MED12L: variants seen among roughly 807,000 people sequenced by gnomAD.
MED12L encodes the protein mediator of RNA polymerase II transcription subunit 12-like protein.
In MED12L, 60 loss-of-function variants were observed where a neutral mutation model predicts 281.3. The observed-to-expected ratio is 0.21, with a 90% CI of 0.17 to 0.26. The LOEUF (loss-of-function observed/expected upper bound fraction) is 0.26. MED12L is among the 10% of genes least tolerant of loss of function. The pLI, the probability that MED12L is intolerant of heterozygous loss-of-function variation, is 1.00. For missense variants in MED12L, 2,146 were observed against 2,680.9 expected (o/e 0.80, Z 4.41); for synonymous variants, 974 against 987.2 (o/e 0.99, Z 0.25).
chr3:151,203,698 A>G (rs772481270), intron 16 of MED12L, among the ~76,000 whole-genome samples: 1 of 152,152 alleles, frequency 6.6e-6, no homozygotes, highest in Non-Finnish European at 1.5e-5. Flanking sequence ...TATGTTCATT[A>G]TAGAAAAATC....
chr3:151,356,134 T>C (rs1577421395), intron 19 of MED12L, 95 bp downstream of exon 19: 1 of 1,309,788 alleles, frequency 7.6e-7, no homozygotes, highest in African/African-American at 1.5e-5. Flanking sequence ...GCACAGTGGC[T>C]TGTGCTTGTA....
At chr3:151,418,519 G>C (rs1438784968) in intron 43 of MED12L, among the ~76,000 whole-genome samples, 2 of 152,258 alleles carry the variant, frequency 1.3e-5, no homozygotes, top group East Asian at 1.9e-4. Context: ...TTTGTAGAAT[G>C]CTACTCAATT....
intron 11 of MED12L, among the ~76,000 whole-genome samples, chr3:151,169,122 GTTTT>G (rs1179594098): frequency 1.2e-5 from 1 of 82,572 alleles, no homozygotes; most frequent in Non-Finnish European, 2.6e-5. Context: ...TTTTTTTTTT[GTTTT>G]TTTTTTTTTG....
At chr3:151,225,153 A>G (rs572584213) in intron 16 of MED12L, among the ~76,000 whole-genome samples, 4 of 152,192 alleles carry the variant, frequency 2.6e-5, no homozygotes, top group African/African-American at 9.6e-5. Flanking sequence ...TGGGTAAACA[A>G]TGTCCTATGT....
chr3:151,291,509 G>A (rs1325573560), intron 16 of MED12L, among the ~76,000 whole-genome samples: 3 of 151,970 alleles, frequency 2.0e-5, no homozygotes. Flanking sequence ...CTCTGAATAT[G>A]TTTCTTTTCT....
chr3:151,213,756 T>A (rs200238332), intron 16 of MED12L: 7 of 1,614,190 alleles, frequency 4.3e-6, no homozygotes, highest in Non-Finnish European at 5.9e-6. Context: ...AGATGTAGTT[T>A]GATGCTTTGT....
chr3:151,136,001 T>G (rs553373716), intron 5 of MED12L, among the ~76,000 whole-genome samples: 1 of 152,192 alleles, frequency 6.6e-6, no homozygotes, highest in South Asian at 2.1e-4. Flanking sequence ...CTTAAAATGC[T>G]TCGTGGTTAA....
intron 29 of MED12L, 38 bp downstream of exon 29, chr3:151,376,912 T>G (rs769500407): frequency 6.2e-7 from 1 of 1,612,356 alleles, no homozygotes; most frequent in Non-Finnish European, 8.5e-7. Context: ...GTATGAAATT[T>G]TATAAAAAGC....
At chr3:151,426,448 G>C (rs1024959579) in intron 43 of MED12L, among the ~76,000 whole-genome samples, 1 of 152,192 alleles carries the variant, frequency 6.6e-6, no homozygotes, top group African/African-American at 2.4e-5. Flanking sequence ...CAGAGAAATT[G>C]CATCTGGGGC....
chr3:151,136,038 C>G (rs1055395627), intron 5 of MED12L, among the ~76,000 whole-genome samples: 2 of 152,036 alleles, frequency 1.3e-5, no homozygotes, highest in Non-Finnish European at 2.9e-5. Context: ...CTCTGTTTAC[C>G]CCTAGTCATT....
intron 5 of MED12L, among the ~76,000 whole-genome samples, chr3:151,146,517 GT>G (rs1310441884): frequency 6.6e-6 from 1 of 152,150 alleles, no homozygotes; most frequent in Non-Finnish European, 1.5e-5. Flanking sequence ...GGCATTTAGT[GT>G]TTGCTGCTAC....
chr3:151,128,778 T>G (rs1292214232), intron 5 of MED12L, among the ~76,000 whole-genome samples: 1 of 152,244 alleles, frequency 6.6e-6, no homozygotes, highest in Non-Finnish European at 1.5e-5. Flanking sequence ...AATGTCCATC[T>G]CAATATCTGA....
At chr3:151,323,141 A>G (rs1386147301) in intron 16 of MED12L, among the ~76,000 whole-genome samples, 1 of 152,220 alleles carries the variant, frequency 6.6e-6, no homozygotes, top group Non-Finnish European at 1.5e-5. Flanking sequence ...CACATGTTTT[A>G]CATAGAGTCC....
chr3:151,413,915 CA>C (rs1427454186), intron 42 of MED12L, among the ~76,000 whole-genome samples: 1 of 151,124 alleles, frequency 6.6e-6, no homozygotes, highest in Non-Finnish European at 1.5e-5. Context: ...CTCCCTCTGT[CA>C]CCCAGGCTGG....
At chr3:151,345,352 T>G (rs1752396541) in intron 16 of MED12L, among the ~76,000 whole-genome samples, 3 of 152,158 alleles carry the variant, frequency 2.0e-5, no homozygotes, top group Admixed American at 2.0e-4. Flanking sequence ...ATTATTAATA[T>G]TACTTACAAC....
chr3:151,134,989 T>A lies in MED12L; in HGVS notation c.556+7005T>A, dbSNP rs574280963. Among the ~76,000 whole-genome samples, 4 of 152,276 alleles carry A rather than the reference T, an allele frequency of 2.6e-5. No individual in the cohort carries two copies. The East Asian group carries it at 7.7e-4, about 29-fold the overall frequency. ...GTTATGACTCTTTCCCTCAGTTTCT[T>A]GTCTGTAAAAAAATAAGGATAATTG... On this transcript the variant is annotated intron_variant, in intron 5 of 44. Coordinates refer to ENST00000687756, the MANE Select transcript of MED12L (RefSeq NM_001393769.1).
intron 11 of MED12L, among the ~76,000 whole-genome samples, chr3:151,170,420 C>G (rs1173483585): frequency 1.3e-5 from 2 of 151,582 alleles, no homozygotes; most frequent in East Asian, 3.9e-4. Context: ...GATTAATAGG[C>G]GCCTGCCACC....
chr3:151,336,698 A>G, intron 16 of MED12L: 1 of 349,004 alleles, frequency 2.9e-6, no homozygotes, highest in Non-Finnish European at 5.6e-6. Flanking sequence ...ACTTATTGAA[A>G]TGAGAAGTCA....
chr3:151,116,544 C>G lies in MED12L; in HGVS notation c.204+102C>G. ...AATTAGTGTTGTTTAAGCCACAGTC[C>G]ATATTCAGATTTCCCCCAAATACCA... On this transcript the variant is annotated intron_variant, in intron 3 of 44. Transcript: ENST00000687756. 5 of 735,030 alleles carry G rather than the reference C, an allele frequency of 6.8e-6. No homozygotes were observed. In the South Asian group the frequency reaches 8.8e-5, roughly 13 times the overall value. The allele number at this position is 735,030 out of a possible 1,614,324, so 45.5% of individuals were successfully genotyped here. A position where few individuals can be genotyped will look rare whatever the true frequency, so the allele number is the denominator to read the frequency against.
Sources: allele counts gnomAD v4.1 joint callset (sites outside exome capture counted in the v4.1 genomes callset), GRCh38; gene constraint gnomAD v4.1.1; transcripts MANE v1.5; gene names NCBI Gene and HGNC (gene_info 2026-07-23, HGNC 2026-07-21).